The following ERC1 variants were observed in gnomAD, a reference collection of about 807,000 sequenced individuals.
The protein encoded by ERC1 is ELKS/RAB6-interacting/CAST family member 1.
Under a neutral mutation model 132.0 loss-of-function variants are expected in ERC1, and 56 were observed. The observed-to-expected ratio is 0.42, with a 90% CI of 0.34 to 0.53. ERC1 has a LOEUF of 0.53. ERC1 is among the 20% of genes least tolerant of loss of function. ERC1 has a pLI of 0.03. For synonymous variants in ERC1, 478 were observed against 476.1 expected, an observed-to-expected ratio of 1.00 and a Z score of -0.05; for missense variants, 1,202 against 1,349.9, an observed-to-expected ratio of 0.89 and a Z score of 1.72.
chr12:1,387,793 T>C (rs1439974940), intron 16 of ERC1, among the ~76,000 whole-genome samples: 5 of 152,160 alleles, frequency 3.3e-5, no homozygotes, highest in African/African-American at 4.8e-5. Flanking sequence ...ATTTATGTTG[T>C]GTTTATGTTG....
chr12:1,275,903 G>A lies in ERC1; in HGVS notation c.2619+12738G>A, dbSNP rs1233282502. On this transcript the variant is annotated intron_variant, in intron 14 of 18. Transcript: ENST00000360905. Reference sequence around the variant, plus strand: ...ATTCTTAATACAAACTACAATTCTTGTAGATTTACTGACACTTACTGATTA... The same window carrying A: ...ATTCTTAATACAAACTACAATTCTTATAGATTTACTGACACTTACTGATTA... 3.3e-5 allele frequency among the ~76,000 whole-genome samples: 5 copies of A among 152,258 alleles called. No homozygotes were observed. The South Asian group carries it at 6.2e-4, about 19-fold the overall frequency.
At chr12:1,094,791 C>A (rs1943798650) in intron 3 of ERC1, among the ~76,000 whole-genome samples, 1 of 152,128 alleles carries the variant, frequency 6.6e-6, no homozygotes, top group Admixed American at 6.6e-5. Flanking sequence ...ACTACTATTA[C>A]CAGAGATGGT....
intron 2 of ERC1, among the ~76,000 whole-genome samples, chr12:1,067,926 C>CTT (rs71441641): frequency 8.3e-6 from 1 of 120,980 alleles, no homozygotes; most frequent in African/African-American, 3.2e-5. Flanking sequence ...TTAGCCACTG[C>CTT]TTTTTTTTTT....
chr12:1,082,799 T>C (rs1340315101), intron 2 of ERC1, among the ~76,000 whole-genome samples: 2 of 152,212 alleles, frequency 1.3e-5, no homozygotes, highest in Non-Finnish European at 2.9e-5. Context: ...GCTGTTTTGA[T>C]GAAATTTTTT....
At chr12:1,165,424 G>A (rs1049783104) in intron 8 of ERC1, among the ~76,000 whole-genome samples, 1 of 151,892 alleles carries the variant, frequency 6.6e-6, no homozygotes, top group African/African-American at 2.4e-5. Flanking sequence ...TCCTGCCTCA[G>A]CCTCCCGAGT....
chr12:1,217,658 C>G (rs1382262417), intron 12 of ERC1, among the ~76,000 whole-genome samples: 2 of 152,192 alleles, frequency 1.3e-5, no homozygotes, highest in Non-Finnish European at 2.9e-5. Flanking sequence ...CACTTACTCT[C>G]GTCTCCACTC....
At chr12:1,432,000 T>C (rs1030114540) in intron 17 of ERC1, among the ~76,000 whole-genome samples, 6 of 152,184 alleles carry the variant, frequency 3.9e-5, no homozygotes, top group Admixed American at 1.3e-4. Context: ...TACCTCAGCC[T>C]CCTGAGTAAC....
At chr12:1,446,452 A>G (rs2093306172) in intron 18 of ERC1, among the ~76,000 whole-genome samples, 1 of 152,220 alleles carries the variant, frequency 6.6e-6, no homozygotes. Context: ...CAATCATACC[A>G]ACAGAAGGCT....
chr12:1,278,085 C>T (rs2078405834), intron 14 of ERC1, among the ~76,000 whole-genome samples: 1 of 152,202 alleles, frequency 6.6e-6, no homozygotes, highest in Non-Finnish European at 1.5e-5. Context: ...TACGTCATGT[C>T]TGCCTTCATG....
intron 1 of ERC1, among the ~76,000 whole-genome samples, chr12:995,906 A>G (rs1233040358): frequency 6.6e-6 from 1 of 152,140 alleles, no homozygotes; most frequent in Admixed American, 6.5e-5. Flanking sequence ...AAGTGAAGGA[A>G]AGGAAGCTTT....
At position 1,075,476 on chromosome 12, in the gene ERC1, C is replaced by T. The variant is rs367579690; in HGVS notation, c.670-7688C>T. On this transcript the variant is annotated intron_variant, in intron 2 of 18. Coordinates refer to ENST00000360905, the MANE Select transcript of ERC1 (RefSeq NM_178040.4). ...GGGAGGCCGAGGCTGGTGGATCACA[C>T]GGTTAAGAGATCAAGACCATCCCGG... is the stretch of plus-strand genomic sequence containing the variant. Among the ~76,000 whole-genome samples the T allele has an allele frequency of 6.2e-4, 94 of 152,182 alleles. 2 individuals carry two copies. The South Asian group carries it at 0.016, about 27-fold the overall frequency.
intron 13 of ERC1, among the ~76,000 whole-genome samples, chr12:1,242,127 G>A (rs1351987948): frequency 1.3e-5 from 2 of 152,058 alleles, no homozygotes; most frequent in East Asian, 1.9e-4. Context: ...GATTATAGGC[G>A]TAAGCCCAGC....
At chr12:1,064,121 C>G (rs559460635) in intron 2 of ERC1, among the ~76,000 whole-genome samples, 68 of 152,198 alleles carry the variant, frequency 4.5e-4, no homozygotes, top group Middle Eastern at 3.4e-3. Context: ...TCATTTCATT[C>G]TCTCCTGACT....
At chr12:1,023,829 A>G (rs1056585773) in intron 1 of ERC1, among the ~76,000 whole-genome samples, 9 of 152,184 alleles carry the variant, frequency 5.9e-5, no homozygotes, top group Non-Finnish European at 1.5e-5. Context: ...TGTATTATAG[A>G]CAGAAGTTAA....
chr12:1,255,069 T>A (rs981327001), intron 13 of ERC1, among the ~76,000 whole-genome samples: 14 of 152,146 alleles, frequency 9.2e-5, no homozygotes, highest in Non-Finnish European at 1.8e-4. Flanking sequence ...CATTAGCTAT[T>A]TTCTCCTAAT....
chr12:1,456,057 C>CTCTCTTATTCAT (rs2093527103), intron 18 of ERC1, among the ~76,000 whole-genome samples: 1 of 152,166 alleles, frequency 6.6e-6, no homozygotes, highest in Admixed American at 6.5e-5. Context: ...CCTCCTATGG[C>CTCTCTTATTCAT]TCTCTTATTC....
intron 7 of ERC1, among the ~76,000 whole-genome samples, chr12:1,124,098 CAACA>C (rs1593488920): frequency 1.3e-5 from 2 of 152,248 alleles, no homozygotes; most frequent in East Asian, 3.9e-4. Context: ...AAAGAAGCAT[CAACA>C]TAAAGTTTTA....
intron 14 of ERC1, among the ~76,000 whole-genome samples, chr12:1,264,677 A>AG (rs1200656557): frequency 2.0e-5 from 3 of 152,154 alleles, no homozygotes; most frequent in Non-Finnish European, 4.4e-5. Flanking sequence ...CAAAAAAAAA[A>AG]AGATTTCAAA....
chr12:1,282,319 C>A (rs1023805765), intron 14 of ERC1, among the ~76,000 whole-genome samples: 1 of 152,040 alleles, frequency 6.6e-6, no homozygotes, highest in African/African-American at 2.4e-5. Flanking sequence ...TTTCTTTTGC[C>A]ATAAAAATGA....
Sources: allele counts gnomAD v4.1 joint callset (sites outside exome capture counted in the v4.1 genomes callset), GRCh38; gene constraint gnomAD v4.1.1; transcripts MANE v1.5; gene names NCBI Gene and HGNC (gene_info 2026-07-23, HGNC 2026-07-21).